Variants in PARD3B observed in about 807,000 individuals in gnomAD.
PARD3B encodes partitioning defective 3 homolog B.
In PARD3B, 103 loss-of-function variants were observed where a neutral mutation model predicts 130.2. The observed-to-expected ratio is 0.79, with a 90% confidence interval of 0.67 to 0.93. The LOEUF is 0.93. PARD3B is among the 40% of genes least tolerant of loss of function. The pLI is 0.00. For missense variants in PARD3B, 1,609 were observed against 1,499.2 expected, an observed-to-expected ratio of 1.07 and a Z score of -1.21; for synonymous variants, 583 against 553.2, an observed-to-expected ratio of 1.05 and a Z score of -0.76.
intron 18 of PARD3B, among the ~76,000 whole-genome samples, chr2:205,365,390 A>AAG (rs1559706136): frequency 6.6e-6 from 1 of 150,560 alleles, no homozygotes; most frequent in East Asian, 2.0e-4. Flanking sequence ...CAGAAAAAAA[A>AAG]AAAGAAAGAA....
intron 3 of PARD3B, among the ~76,000 whole-genome samples, chr2:204,999,709 C>T (rs1257162996): frequency 6.6e-6 from 1 of 152,138 alleles, no homozygotes. Flanking sequence ...GGAGTACTCT[C>T]AGATGAAGAA....
intron 18 of PARD3B, among the ~76,000 whole-genome samples, chr2:205,335,983 A>G (rs1408159061): frequency 1.3e-5 from 2 of 152,204 alleles, no homozygotes; most frequent in Non-Finnish European, 2.9e-5. Context: ...AGGAATTGTG[A>G]TAGTTACAAT....
intron 2 of PARD3B, among the ~76,000 whole-genome samples, chr2:204,763,002 C>T (rs762848259): frequency 5.9e-5 from 9 of 152,100 alleles, no homozygotes; most frequent in African/African-American, 7.2e-5. Context: ...TCAGGTGATC[C>T]GCCCACCTCG....
intron 2 of PARD3B, among the ~76,000 whole-genome samples, chr2:204,859,893 T>C (rs1575151391): frequency 6.6e-6 from 1 of 152,228 alleles, no homozygotes; most frequent in Admixed American, 6.5e-5. Context: ...GGGACTGTTA[T>C]GCAGCCCTTG....
In PARD3B at chr2:204,681,762, G is replaced by GCATT. The variant is rs1431103607; in HGVS notation, c.121-4418_121-4415dup. 2.0e-5 allele frequency among the ~76,000 whole-genome samples: 3 copies of GCATT among 152,254 alleles called. No homozygotes were observed. In the South Asian group the frequency reaches 6.2e-4, roughly 32 times the overall value. ...CTCTGTCACCTTCTCCTTCCTGGGT[G>GCATT]CATTGTGGGGCATCTGATTCTCATT... On this transcript the variant is annotated intron_variant, in intron 1 of 22. Transcript: ENST00000406610.
intron 18 of PARD3B, among the ~76,000 whole-genome samples, chr2:205,308,584 G>A (rs904625589): frequency 7.1e-6 from 1 of 140,898 alleles, no homozygotes. Flanking sequence ...TCTAGCCTGG[G>A]TGAGAGCGAG....
chr2:204,772,644 A>G (rs937688305), intron 2 of PARD3B, among the ~76,000 whole-genome samples: 4 of 152,178 alleles, frequency 2.6e-5, no homozygotes, highest in East Asian at 1.9e-4. Context: ...GATAGGATTT[A>G]GGATAAATAA....
intron 2 of PARD3B, among the ~76,000 whole-genome samples, chr2:204,947,305 G>A (rs1189028101): frequency 6.6e-6 from 1 of 152,148 alleles, no homozygotes; most frequent in Non-Finnish European, 1.5e-5. Flanking sequence ...GAATTTCAGA[G>A]TCTAGTCTCA....
intron 5 of PARD3B, among the ~76,000 whole-genome samples, chr2:205,109,230 T>G (rs986352456): frequency 6.6e-6 from 1 of 152,208 alleles, no homozygotes; most frequent in African/African-American, 2.4e-5. Context: ...CAAGTAGAGT[T>G]CAAGGTTATC....
chr2:205,170,792 C>T (rs13408449), intron 11 of PARD3B, among the ~76,000 whole-genome samples: 48,084 of 128,118 alleles, frequency 0.38, 8,096 homozygotes, highest in Middle Eastern at 0.55. Flanking sequence ...TTTTTTTTTT[C>T]TTTTACTTTT....
intron 2 of PARD3B, among the ~76,000 whole-genome samples, chr2:204,749,508 C>A (rs1407209913): frequency 6.6e-6 from 1 of 152,008 alleles, no homozygotes; most frequent in Non-Finnish European, 1.5e-5. Flanking sequence ...CCAGTTTCTC[C>A]CAATTTGGCA....
intron 22 of PARD3B, among the ~76,000 whole-genome samples, chr2:205,573,813 C>G (rs1483832410): frequency 6.6e-6 from 1 of 152,116 alleles, no homozygotes; most frequent in Non-Finnish European, 1.5e-5. Flanking sequence ...AATTTATACT[C>G]TTTGTGAGAA....
At chr2:205,328,446 G>T (rs1187438525) in intron 18 of PARD3B, among the ~76,000 whole-genome samples, 1 of 151,856 alleles carries the variant, frequency 6.6e-6, no homozygotes, top group African/African-American at 2.4e-5. Flanking sequence ...CCCCTTAATG[G>T]TTTTTATAAG....
chr2:205,182,376 A>G (rs776403551), intron 13 of PARD3B, among the ~76,000 whole-genome samples: 5 of 152,082 alleles, frequency 3.3e-5, no homozygotes, highest in Non-Finnish European at 7.4e-5. Flanking sequence ...TTACCTCTAC[A>G]CCGATCACCA....
intron 22 of PARD3B, among the ~76,000 whole-genome samples, chr2:205,587,554 G>T (rs1341729474): frequency 6.6e-6 from 1 of 152,012 alleles, no homozygotes; most frequent in Non-Finnish European, 1.5e-5. Flanking sequence ...AAAGCTTCTG[G>T]TACCTCATTG....
intron 10 of PARD3B, among the ~76,000 whole-genome samples, chr2:205,139,974 G>A (rs918296512): frequency 6.6e-6 from 1 of 152,198 alleles, no homozygotes; most frequent in Non-Finnish European, 1.5e-5. Context: ...AATACTGATC[G>A]CATGTGAATG....
rs145328242 is a variant in PARD3B at position 205,212,109 on chromosome 2, C to T, written c.2140+18789C>T. Among the ~76,000 whole-genome samples, 1,282 of 152,098 alleles carry T rather than the reference C, an allele frequency of 8.4e-3. 6 individuals carry two copies. Among genetic ancestry groups the T allele is most frequent in the Middle Eastern group, 0.027 (8 of 294 alleles). ...AAAGGCCAGAGGGAAATCTTAGGTGCCCAGTCCTCTCACTTGAGGCTAATA... is the reference window on the plus strand; with the variant it reads ...AAAGGCCAGAGGGAAATCTTAGGTGTCCAGTCCTCTCACTTGAGGCTAATA... On this transcript the variant is annotated intron_variant, in intron 15 of 22. Coordinates refer to ENST00000406610, the MANE Select transcript of PARD3B (RefSeq NM_001302769.2).
At chr2:204,946,308 G>C (rs954975356) in intron 2 of PARD3B, among the ~76,000 whole-genome samples, 1 of 152,142 alleles carries the variant, frequency 6.6e-6, no homozygotes, top group African/African-American at 2.4e-5. Flanking sequence ...TTCTCATCCA[G>C]CATTACTAAA....
At chr2:205,243,244 T>C (rs377524510) in intron 15 of PARD3B, among the ~76,000 whole-genome samples, 1 of 152,328 alleles carries the variant, frequency 6.6e-6, no homozygotes, top group African/African-American at 2.4e-5. Context: ...CTAGCTATGA[T>C]GTTAGTCTCT....
Sources: gnomAD v4.1 joint callset for allele counts (sites outside exome capture counted in the v4.1 genomes callset) on GRCh38, gnomAD v4.1.1 for gene constraint, MANE v1.5 for transcripts, NCBI Gene and HGNC (gene_info 2026-07-23, HGNC 2026-07-21) for gene names.